Variants in PLCXD3 observed in about 807,000 individuals in gnomAD.
PLCXD3 encodes the protein phosphatidylinositol specific phospholipase C X domain containing 3.
In PLCXD3, 19 loss-of-function variants were observed where a neutral mutation model predicts 25.5. That is an observed-to-expected ratio of 0.75 (90% CI 0.52 to 1.09). PLCXD3 has a LOEUF of 1.09. Among genes scored for constraint, PLCXD3 ranks in the 50% least tolerant of loss-of-function variants. The probability of loss-of-function intolerance (pLI) is 0.00; values close to 1 mark genes in which losing one functional copy is unlikely to be tolerated. For missense variants in PLCXD3, 411 were observed against 388.1 expected (o/e 1.06, Z -0.50); for synonymous variants, 174 against 137.6 (o/e 1.26, Z -1.85).
intron 1 of PLCXD3, among the ~76,000 whole-genome samples, chr5:41,459,960 A>G (rs888278764): frequency 2.0e-5 from 3 of 151,962 alleles, no homozygotes; most frequent in East Asian, 1.9e-4. Flanking sequence ...AGGAGCTAAT[A>G]CTAGCGTTCA....
rs1375193064 is a variant in PLCXD3 at position 41,309,638 on chromosome 5, G to A, written c.*3979C>T. The A allele has an allele frequency of 6.6e-6, 1 of 152,054 alleles. No homozygotes were observed. Among genetic ancestry groups the A allele is most frequent in the Non-Finnish European group, 1.5e-5 (1 of 67,980 alleles). 9.4% of individuals were successfully genotyped at this position (152,054 alleles called of 1,614,324 possible). A position where few individuals can be genotyped will look rare whatever the true frequency, so the allele number is the denominator to read the frequency against. ...CTTTCCAGTCTGGAATCCTAACAAGGAAGAACCTGAACAAATAACCCTGGC... is the reference window on the plus strand; with the variant it reads ...CTTTCCAGTCTGGAATCCTAACAAGAAAGAACCTGAACAAATAACCCTGGC... On this transcript the variant is annotated 3_prime_UTR_variant, in exon 3 of 3. Coordinates refer to ENST00000377801, the MANE Select transcript of PLCXD3 (RefSeq NM_001005473.3).
chr5:41,487,308 C>T (rs539093471), intron 1 of PLCXD3, among the ~76,000 whole-genome samples: 1 of 152,208 alleles, frequency 6.6e-6, no homozygotes, highest in Non-Finnish European at 1.5e-5. Flanking sequence ...TCAGTGTGGG[C>T]TTCTTGAAAG....
intron 2 of PLCXD3, among the ~76,000 whole-genome samples, chr5:41,320,329 C>T (rs1339556366): frequency 6.6e-6 from 1 of 152,054 alleles, no homozygotes; most frequent in Non-Finnish European, 1.5e-5. Flanking sequence ...AAAACAACAA[C>T]TATAAGCCAA....
intron 2 of PLCXD3, among the ~76,000 whole-genome samples, chr5:41,324,250 A>T (rs570463435): frequency 6.6e-6 from 1 of 152,282 alleles, no homozygotes; most frequent in South Asian, 2.1e-4. Flanking sequence ...AACTAAGAAG[A>T]GCTGAGTGAG....
chr5:41,397,315 T>C (rs1473618666), intron 1 of PLCXD3, among the ~76,000 whole-genome samples: 1 of 152,156 alleles, frequency 6.6e-6, no homozygotes, highest in East Asian at 1.9e-4. Flanking sequence ...TAGCCATGGT[T>C]ACAAGGGGCC....
Position 41,309,054 on chromosome 5 carries a change from G to T in PLCXD3, c.*4563C>A, listed in dbSNP as rs1177122199. ...AACAAAAAAGTGTTAATAAATTAAG[G>T]CTGGTCACAATGTGCCCTTTTTCTT... On this transcript the variant is annotated 3_prime_UTR_variant, in exon 3 of 3. Coordinates refer to ENST00000377801, the MANE Select transcript of PLCXD3 (RefSeq NM_001005473.3). 6.6e-6 allele frequency: 1 copy of T among 152,428 alleles called. No homozygotes were observed. The highest frequency in any genetic ancestry group is 1.5e-5 in the Non-Finnish European group (1 of 67,982). 9.4% of individuals were successfully genotyped at this position (152,428 alleles called of 1,614,324 possible).
intron 1 of PLCXD3, among the ~76,000 whole-genome samples, chr5:41,398,202 C>A (rs1580350466): frequency 1.3e-5 from 2 of 152,284 alleles, no homozygotes; most frequent in Non-Finnish European, 2.9e-5. Flanking sequence ...TGAAATGTAA[C>A]CCCCAGTGAT....
intron 1 of PLCXD3, among the ~76,000 whole-genome samples, chr5:41,474,065 G>A (rs960179845): frequency 4.6e-5 from 7 of 152,102 alleles, no homozygotes; most frequent in African/African-American, 9.7e-5. Flanking sequence ...CCATCGTTAC[G>A]AGACTGAACA....
chr5:41,358,511 A>C (rs1297119455), intron 2 of PLCXD3, among the ~76,000 whole-genome samples: 2 of 152,182 alleles, frequency 1.3e-5, no homozygotes, highest in African/African-American at 4.8e-5. Flanking sequence ...ATGCCTTTGC[A>C]TCCTCATAGC....
At chr5:41,348,631 C>A (rs1432090658) in intron 2 of PLCXD3, among the ~76,000 whole-genome samples, 1 of 152,010 alleles carries the variant, frequency 6.6e-6, no homozygotes, top group East Asian at 1.9e-4. Context: ...CAGAAAATTA[C>A]TGAGTTTTTT....
intron 2 of PLCXD3, among the ~76,000 whole-genome samples, chr5:41,348,141 A>G (rs1191177212): frequency 6.6e-6 from 1 of 152,224 alleles, no homozygotes; most frequent in African/African-American, 2.4e-5. Flanking sequence ...GTAGGTTAAT[A>G]GTATTAGCCC....
intron 1 of PLCXD3, among the ~76,000 whole-genome samples, chr5:41,478,684 G>A (rs2150522149): frequency 6.6e-6 from 1 of 152,282 alleles, no homozygotes; most frequent in South Asian, 2.1e-4. Context: ...AAACAGCAAA[G>A]TGTAAAGAGG....
intron 1 of PLCXD3, among the ~76,000 whole-genome samples, chr5:41,443,765 C>A (rs1400298112): frequency 6.6e-6 from 1 of 152,106 alleles, no homozygotes; most frequent in Non-Finnish European, 1.5e-5. Flanking sequence ...TTTTGACAAG[C>A]ATTTCAGGGC....
intron 2 of PLCXD3, among the ~76,000 whole-genome samples, chr5:41,336,645 T>C (rs1743988689): frequency 6.6e-6 from 1 of 152,148 alleles, no homozygotes; most frequent in South Asian, 2.1e-4. Context: ...ACTAAGTTTC[T>C]GTCTGAGAAT....
At chr5:41,501,204 G>A (rs749710472) in intron 1 of PLCXD3, among the ~76,000 whole-genome samples, 1 of 151,986 alleles carries the variant, frequency 6.6e-6, no homozygotes, top group South Asian at 2.1e-4. Flanking sequence ...CCACTTTGGG[G>A]TATTTATCCA....
At chr5:41,413,969 C>A (rs1377019593) in intron 1 of PLCXD3, among the ~76,000 whole-genome samples, 1 of 152,104 alleles carries the variant, frequency 6.6e-6, no homozygotes, top group Non-Finnish European at 1.5e-5. Context: ...GTAAGCCAGA[C>A]CTGAAGCCTT....
chr5:41,421,458 T>C lies in PLCXD3; in HGVS notation c.104-38924A>G, dbSNP rs989566430. On this transcript the variant is annotated intron_variant, in intron 1 of 2. Coordinates refer to ENST00000377801, the MANE Select transcript of PLCXD3 (RefSeq NM_001005473.3). ...GGCTCACGCCTGTAATCCCAGCACT[T>C]TGGGAGGCCGAGGCGGGCTGATCAC... 9.2e-5 allele frequency among the ~76,000 whole-genome samples: 14 copies of C among 152,278 alleles called. No homozygotes were observed. In the South Asian group the frequency reaches 1.9e-3, roughly 20 times the overall value.
intron 2 of PLCXD3, among the ~76,000 whole-genome samples, chr5:41,337,469 A>G (rs1744018635): frequency 6.6e-6 from 1 of 152,186 alleles, no homozygotes; most frequent in African/African-American, 2.4e-5. Flanking sequence ...TCATGTCCCC[A>G]GTGCATCCTT....
At chr5:41,366,423 G>A (rs2150487007) in intron 2 of PLCXD3, among the ~76,000 whole-genome samples, 1 of 152,318 alleles carries the variant, frequency 6.6e-6, no homozygotes, top group Admixed American at 6.5e-5. Context: ...TGGGGTATCT[G>A]AGCACTTTCA....
Sources: gnomAD v4.1 joint callset for allele counts (sites outside exome capture counted in the v4.1 genomes callset) on GRCh38, gnomAD v4.1.1 for gene constraint, MANE v1.5 for transcripts, NCBI Gene and HGNC (gene_info 2026-07-23, HGNC 2026-07-21) for gene names.